The following PLD5 variants were observed in gnomAD, a reference collection of about 807,000 sequenced individuals.
The protein encoded by PLD5 is phospholipase D family member 5, also known as inactive phospholipase D5.
Under a neutral mutation model 61.1 loss-of-function variants are expected in PLD5, and 36 were observed. The ratio of observed to expected loss-of-function variants is 0.59; its 90% confidence interval spans 0.45 to 0.78. The LOEUF (loss-of-function observed/expected upper bound fraction) is 0.78, where lower values mean the gene tolerates loss of function less well. PLD5 is among the 30% of genes least tolerant of loss of function. PLD5 has a pLI of 0.00. For synonymous variants in PLD5, 243 were observed against 242.8 expected (o/e 1.00, Z -0.01); for missense variants, 515 against 644.4 (o/e 0.80, Z 2.17).
intron 1 of PLD5, among the ~76,000 whole-genome samples, chr1:242,414,056 G>A (rs1001040067): frequency 8.5e-5 from 13 of 152,144 alleles, no homozygotes; most frequent in African/African-American, 3.1e-4. Context: ...GAAGTGTCAA[G>A]TGAAACGCTA....
intron 5 of PLD5, among the ~76,000 whole-genome samples, chr1:242,201,363 A>C (rs1574502871): frequency 6.6e-6 from 1 of 152,306 alleles, no homozygotes; most frequent in East Asian, 1.9e-4. Flanking sequence ...ATACATTCCA[A>C]TTTTTTCCAA....
chr1:242,387,686 TTATCTATTTTATATAAAATTTTATC>T (rs1662678293), intron 1 of PLD5, among the ~76,000 whole-genome samples: 1 of 144,152 alleles, frequency 6.9e-6, no homozygotes, highest in East Asian at 1.9e-4. Context: ...ATATAAAATT[TTATCTATTTTATATAAAATTTTATC>T]TATTTTATAT....
intron 1 of PLD5, among the ~76,000 whole-genome samples, chr1:242,417,921 A>G (rs1209905377): frequency 6.6e-6 from 1 of 152,176 alleles, no homozygotes; most frequent in Non-Finnish European, 1.5e-5. Flanking sequence ...ATGGAAAACC[A>G]AATGCTAAAG....
chr1:242,267,574 G>C (rs1673762372), intron 3 of PLD5, among the ~76,000 whole-genome samples: 1 of 152,136 alleles, frequency 6.6e-6, no homozygotes, highest in Admixed American at 6.5e-5. Context: ...GCATCAGACA[G>C]TTATTAACTC....
chr1:242,394,848 GTGAATATATATGTATATA>G lies in PLD5; in HGVS notation c.190-46624_190-46607del, dbSNP rs917133735. 7.0e-5 allele frequency among the ~76,000 whole-genome samples: 9 copies of G among 128,366 alleles called. 1 individual carries two copies. Among genetic ancestry groups the G allele is most frequent in the African/African-American group, 8.8e-5 (3 of 34,076 alleles). 84.2% of individuals were successfully genotyped at this position (128,366 alleles called of 152,430 possible). On this transcript the variant is annotated intron_variant, in intron 1 of 9. Transcript: ENST00000536534. The stretch of plus-strand genomic sequence containing the variant: ...CATATATGTGAATATATATACATAT[GTGAATATATATGTATATA>G]TGAATATATATGAATATATGTATAT...
chr1:242,383,354 GA>G (rs1662410790), intron 1 of PLD5, among the ~76,000 whole-genome samples: 1 of 151,950 alleles, frequency 6.6e-6, no homozygotes, highest in Non-Finnish European at 1.5e-5. Context: ...TAACTTTCAA[GA>G]CTTTAGTATA....
intron 5 of PLD5, among the ~76,000 whole-genome samples, chr1:242,215,184 A>G (rs756860489): frequency 1.4e-4 from 21 of 148,838 alleles, no homozygotes; most frequent in Admixed American, 2.8e-4. Context: ...CACCGTGCCC[A>G]GCCTATACAT....
intron 1 of PLD5, among the ~76,000 whole-genome samples, chr1:242,409,070 AAAAAAGAAAAG>A (rs201964651): frequency 0.047 from 6,068 of 130,348 alleles, 421 homozygotes; most frequent in African/African-American, 0.17. Flanking sequence ...CCTCTCAAAA[AAAAAAGAAAAG>A]AAAAGAAAAG....
At chr1:242,383,631 C>G (rs1662429935) in intron 1 of PLD5, among the ~76,000 whole-genome samples, 1 of 151,928 alleles carries the variant, frequency 6.6e-6, no homozygotes, top group Non-Finnish European at 1.5e-5. Flanking sequence ...TTTATAAATA[C>G]AAAATCTGCA....
chr1:242,321,596 C>A (rs569826874), intron 2 of PLD5, among the ~76,000 whole-genome samples: 1 of 152,128 alleles, frequency 6.6e-6, no homozygotes, highest in Non-Finnish European at 1.5e-5. Context: ...TCAGCCACCA[C>A]GCCCGGCCCC....
rs1324755129 is a variant in PLD5 at position 242,397,343 on chromosome 1, TTTG to T, written c.190-49104_190-49102del. Among the ~76,000 whole-genome samples the T allele has an allele frequency of 6.2e-5, 7 of 113,062 alleles. No individual in the cohort carries two copies. In the East Asian group the frequency reaches 1.6e-3, roughly 26 times the overall value. 74.2% of individuals were successfully genotyped at this position (113,062 alleles called of 152,430 possible). ...TTATCCTTGACTTCTGTTTTTTTTC[TTTG>T]TTTTTTTTTTCCTCATATTTTCTGG... is the stretch of plus-strand genomic sequence containing the variant. On this transcript the variant is annotated intron_variant, in intron 1 of 9. Transcript: ENST00000536534.
chr1:242,215,014 C>G (rs1244210189), intron 5 of PLD5, among the ~76,000 whole-genome samples: 1 of 149,134 alleles, frequency 6.7e-6, no homozygotes, highest in South Asian at 2.2e-4. Flanking sequence ...GTAGCTGGGA[C>G]TACTTGTGCC....
At chr1:242,505,186 C>A (rs927483381) in intron 1 of PLD5, among the ~76,000 whole-genome samples, 1 of 152,102 alleles carries the variant, frequency 6.6e-6, no homozygotes, top group Non-Finnish European at 1.5e-5. Flanking sequence ...AAATTTGGAA[C>A]ATTAACAATA....
At position 242,257,084 on chromosome 1, in the gene PLD5, C is replaced by CTATCT. The variant is rs60806940; in HGVS notation, c.607+8252_607+8253insAGATA. Among the ~76,000 whole-genome samples the CTATCT allele has an allele frequency of 4.7e-3, 696 of 149,246 alleles. 14 individuals carry two copies. Among genetic ancestry groups the CTATCT allele is most frequent in the African/African-American group, 0.016 (660 of 40,578 alleles). ...TCTATCTATCTATCTATCTATCTAT[C>CTATCT]ATTTATCTATATCTTTCTATCTGTC... On this transcript the variant is annotated intron_variant, in intron 4 of 9. Coordinates refer to ENST00000536534, the MANE Select transcript of PLD5 (RefSeq NM_001372062.1).
chr1:242,212,593 A>C (rs951053682), intron 5 of PLD5, among the ~76,000 whole-genome samples: 2 of 152,174 alleles, frequency 1.3e-5, no homozygotes, highest in Non-Finnish European at 2.9e-5. Context: ...TTTGTGCAGC[A>C]GGCAGCAGCC....
chr1:242,132,029 C>T (rs1172112931), intron 5 of PLD5, among the ~76,000 whole-genome samples: 1 of 151,628 alleles, frequency 6.6e-6, no homozygotes, highest in Non-Finnish European at 1.5e-5. Context: ...TAGAGTTTCA[C>T]CATCTTGGCC....
intron 3 of PLD5, among the ~76,000 whole-genome samples, chr1:242,287,198 C>T (rs1326277433): frequency 6.6e-6 from 1 of 152,148 alleles, no homozygotes; most frequent in Non-Finnish European, 1.5e-5. Flanking sequence ...GTCACCCCAG[C>T]TGAGATACCA....
chr1:242,412,888 G>A (rs536134993), intron 1 of PLD5, among the ~76,000 whole-genome samples: 27 of 152,298 alleles, frequency 1.8e-4, no homozygotes, highest in African/African-American at 5.3e-4. Context: ...AAGAAATTAC[G>A]AAACCACTTT....
chr1:242,085,347 T>C lies in PLD5; in HGVS notation c.*4507A>G, dbSNP rs907331399. ...AATAAGAAAATTTCATTTTTACATCTTCAAGAAACTTCTGAGGAATACCCA... is the reference window on the plus strand; with the variant it reads ...AATAAGAAAATTTCATTTTTACATCCTCAAGAAACTTCTGAGGAATACCCA... On this transcript the variant is annotated 3_prime_UTR_variant, in exon 10 of 10. Coordinates refer to ENST00000536534, the MANE Select transcript of PLD5 (RefSeq NM_001372062.1). 11 of 152,138 alleles carry C rather than the reference T, an allele frequency of 7.2e-5. No individual in the cohort carries two copies. Among genetic ancestry groups the C allele is most frequent in the African/African-American group, 2.7e-4 (11 of 41,426 alleles). 9.4% of individuals were successfully genotyped at this position (152,138 alleles called of 1,614,324 possible).
Sources: allele counts gnomAD v4.1 joint callset (sites outside exome capture counted in the v4.1 genomes callset), GRCh38; gene constraint gnomAD v4.1.1; transcripts MANE v1.5; gene names NCBI Gene and HGNC (gene_info 2026-07-23, HGNC 2026-07-21).